KLF12: variants seen among roughly 807,000 people sequenced by gnomAD.
The protein encoded by KLF12 is KLF transcription factor 12, also known as Krueppel-like factor 12.
KLF12 carries 9 observed loss-of-function variants against 37.8 expected under a neutral mutation model. That is an observed-to-expected ratio of 0.24 (90% CI 0.14 to 0.42). KLF12 has a LOEUF of 0.42. Among genes scored for constraint, KLF12 ranks in the 10% least tolerant of loss-of-function variants. The pLI is 1.00. For synonymous variants in KLF12, 208 were observed against 202.1 expected (o/e 1.03, Z -0.25); for missense variants, 411 against 516.0 (o/e 0.80, Z 1.97).
chr13:74,106,661 G>A (rs916844934), intron 1 of KLF12, among the ~76,000 whole-genome samples: 1 of 152,102 alleles, frequency 6.6e-6, no homozygotes, highest in South Asian at 2.1e-4. Flanking sequence ...TCAACAAAAC[G>A]TAACTGCCTA....
intron 4 of KLF12, among the ~76,000 whole-genome samples, chr13:73,844,143 G>T (rs960561536): frequency 2.6e-5 from 4 of 152,014 alleles, no homozygotes; most frequent in Non-Finnish European, 5.9e-5. Context: ...ATTTTACAAA[G>T]ATTAGGTTCT....
intron 3 of KLF12, among the ~76,000 whole-genome samples, chr13:73,861,129 C>G (rs1885904446): frequency 6.6e-6 from 1 of 152,150 alleles, no homozygotes; most frequent in African/African-American, 2.4e-5. Flanking sequence ...TCATGTCTAT[C>G]AAGTTTTTCA....
chr13:73,981,016 C>T (rs901855317), intron 2 of KLF12, among the ~76,000 whole-genome samples: 14 of 151,910 alleles, frequency 9.2e-5, no homozygotes, highest in Non-Finnish European at 2.1e-4. Flanking sequence ...AAAAATTAGC[C>T]GGGCGTGGTG....
intron 1 of KLF12, among the ~76,000 whole-genome samples, chr13:74,111,938 A>G (rs1876996836): frequency 6.6e-6 from 1 of 152,226 alleles, no homozygotes; most frequent in South Asian, 2.1e-4. Flanking sequence ...GTTTAAGGCT[A>G]GAAAGTCATA....
the KLF12 span, among the ~76,000 whole-genome samples, chr13:74,240,310 T>A: frequency 1.5e-5 from 2 of 133,290 alleles, no homozygotes; most frequent in Middle Eastern, 3.5e-3. Flanking sequence ...TGCCGAGAGA[T>A]CCGCTGTTAG....
At chr13:73,743,168 T>A (rs926041205) in intron 6 of KLF12, among the ~76,000 whole-genome samples, 2 of 152,228 alleles carry the variant, frequency 1.3e-5, no homozygotes, top group African/African-American at 4.8e-5. Context: ...TCAGATGGAC[T>A]GAGGACATCA....
At chr13:74,082,901 G>A (rs1875000130) in intron 1 of KLF12, among the ~76,000 whole-genome samples, 1 of 152,036 alleles carries the variant, frequency 6.6e-6, no homozygotes, top group Non-Finnish European at 1.5e-5. Flanking sequence ...AAAATTCTGA[G>A]GGAGGAAAAG....
At chr13:74,053,635 A>G (rs1459705714) in intron 1 of KLF12, among the ~76,000 whole-genome samples, 1 of 152,200 alleles carries the variant, frequency 6.6e-6, no homozygotes, top group Non-Finnish European at 1.5e-5. Flanking sequence ...TAATAGCCAG[A>G]ATAATGCTTT....
chr13:74,054,812 T>C (rs867140937), intron 1 of KLF12, among the ~76,000 whole-genome samples: 15 of 152,346 alleles, frequency 9.8e-5, no homozygotes, highest in Middle Eastern at 3.4e-3. Context: ...ATAAAAACAA[T>C]GTCTACGATC....
At chr13:73,908,020 G>C (rs765961645) in intron 3 of KLF12, among the ~76,000 whole-genome samples, 3 of 152,124 alleles carry the variant, frequency 2.0e-5, no homozygotes, top group Non-Finnish European at 4.4e-5. Context: ...GAATAGTCTA[G>C]ATTAACTGCC....
intron 3 of KLF12, among the ~76,000 whole-genome samples, chr13:73,896,379 A>G (rs925180557): frequency 2.0e-5 from 3 of 152,058 alleles, no homozygotes; most frequent in Non-Finnish European, 2.9e-5. Flanking sequence ...TTTTTTTCAA[A>G]AGCAATGGAA....
chr13:74,093,696 G>C (rs939051184), intron 1 of KLF12, among the ~76,000 whole-genome samples: 1 of 150,928 alleles, frequency 6.6e-6, no homozygotes, highest in Non-Finnish European at 1.5e-5. Flanking sequence ...AAATAGTTAA[G>C]AATTGACTCC....
intron 1 of KLF12, among the ~76,000 whole-genome samples, chr13:74,063,753 A>G (rs1432560381): frequency 6.6e-6 from 1 of 152,208 alleles, no homozygotes; most frequent in Non-Finnish European, 1.5e-5. Flanking sequence ...GGTGTTCTGT[A>G]TTAGACTACC....
the KLF12 span, among the ~76,000 whole-genome samples, chr13:74,302,908 T>A: frequency 5.9e-5 from 9 of 152,184 alleles, no homozygotes; most frequent in South Asian, 1.9e-3. Flanking sequence ...ATGCCTTGGG[T>A]CAGGGCCTCC....
At chr13:74,034,838 G>A (rs943455125) in intron 1 of KLF12, among the ~76,000 whole-genome samples, 1 of 152,202 alleles carries the variant, frequency 6.6e-6, no homozygotes, top group Non-Finnish European at 1.5e-5. Flanking sequence ...TTCCAAGGTA[G>A]AATACTATAA....
intron 6 of KLF12, among the ~76,000 whole-genome samples, chr13:73,738,509 G>A (rs1877699681): frequency 6.6e-6 from 1 of 151,842 alleles, no homozygotes; most frequent in African/African-American, 2.4e-5. Flanking sequence ...GTGAAAAATC[G>A]ACAAGTAGTA....
intron 4 of KLF12, among the ~76,000 whole-genome samples, chr13:73,826,295 A>G (rs1407897401): frequency 1.3e-5 from 2 of 151,858 alleles, no homozygotes; most frequent in African/African-American, 4.8e-5. Flanking sequence ...TATTTATCTC[A>G]TTTCTGAAAG....
the KLF12 span, among the ~76,000 whole-genome samples, chr13:74,163,473 C>T: frequency 6.6e-6 from 1 of 152,100 alleles, no homozygotes; most frequent in South Asian, 2.1e-4. Context: ...GTGAAATAAG[C>T]CAGGCACAGA....
chr13:74,242,640 G>T, the KLF12 span, among the ~76,000 whole-genome samples: 1 of 152,156 alleles, frequency 6.6e-6, no homozygotes, highest in Non-Finnish European at 1.5e-5. Context: ...AAGTCATGAG[G>T]CTAGTTTCTT....
Sources: allele counts gnomAD v4.1 joint callset (sites outside exome capture counted in the v4.1 genomes callset), GRCh38; gene constraint gnomAD v4.1.1; transcripts MANE v1.5; gene names NCBI Gene and HGNC (gene_info 2026-07-23, HGNC 2026-07-21).